Variants in MYPN observed in about 807,000 individuals in gnomAD.
MYPN encodes myopalladin.
A neutral mutation model predicts 129.4 loss-of-function variants in MYPN; 63 were observed. That is an observed-to-expected ratio of 0.49 (90% CI 0.40 to 0.60). The LOEUF (loss-of-function observed/expected upper bound fraction) is 0.60. MYPN is among the 20% of genes least tolerant of loss of function. The pLI is 0.00. For missense variants in MYPN, 1,596 were observed against 1,635.4 expected (o/e 0.98, Z 0.42); for synonymous variants, 629 against 600.9 (o/e 1.05, Z -0.68).
At chr10:68,143,422 G>C (rs1291167180) in intron 3 of MYPN, among the ~76,000 whole-genome samples, 1 of 152,050 alleles carries the variant, frequency 6.6e-6, no homozygotes, top group Non-Finnish European at 1.5e-5. Flanking sequence ...GTAGGGGGCG[G>C]AGGAGTGGGG....
chr10:68,183,969 C>G (rs1411988263), intron 12 of MYPN, among the ~76,000 whole-genome samples: 1 of 152,130 alleles, frequency 6.6e-6, no homozygotes, highest in Admixed American at 6.5e-5. Context: ...CTACAGTGAG[C>G]TGTGATCATG....
At chr10:68,209,041 A>G (rs1056042971) in intron 19 of MYPN, among the ~76,000 whole-genome samples, 1 of 152,156 alleles carries the variant, frequency 6.6e-6, no homozygotes, top group African/African-American at 2.4e-5. Flanking sequence ...AGGTATGTAG[A>G]CTGGAAAACT....
In MYPN at chr10:68,210,701, T is replaced by C. The variant is rs1184286944; in HGVS notation, c.*246T>C. ...AGATAATACAGATGAACCAAAGATG[T>C]CACACAGTTGCCATCCACTGCTTTG... is the stretch of plus-strand genomic sequence containing the variant. On this transcript the variant is annotated 3_prime_UTR_variant, in exon 20 of 20. Coordinates refer to ENST00000358913, the MANE Select transcript of MYPN (RefSeq NM_032578.4). 3.3e-6 allele frequency: 2 copies of C among 605,312 alleles called. No individual in the cohort carries two copies. The highest frequency in any genetic ancestry group is 3.0e-5 in the South Asian group (2 of 65,864). 37.5% of individuals were successfully genotyped at this position (605,312 alleles called of 1,614,324 possible). A position where few individuals can be genotyped will look rare whatever the true frequency, so the allele number is the denominator to read the frequency against.
In MYPN at chr10:68,197,567, T is replaced by G. The variant is rs543971252; in HGVS notation, c.3285+89T>G. 1.9e-6 allele frequency: 3 copies of G among 1,564,848 alleles called. No homozygotes were observed. The African/African-American group carries it at 4.2e-5, about 22-fold the overall frequency. ...TTTTATTTGTATTTGTTTTGTGGGT[T>G]TTTTTTTTCAGGAAAGATGAGATGG... On this transcript the variant is annotated intron_variant, in intron 16 of 19. Coordinates refer to ENST00000358913, the MANE Select transcript of MYPN (RefSeq NM_032578.4).
chr10:68,094,963 A>T (rs931981307), intron 1 of MYPN, among the ~76,000 whole-genome samples: 4 of 152,286 alleles, frequency 2.6e-5, no homozygotes, highest in Non-Finnish European at 5.9e-5. Flanking sequence ...AGGGAGATTG[A>T]GGCCTGAGAA....
chr10:68,149,818 G>A (rs1245768441), intron 5 of MYPN, among the ~76,000 whole-genome samples: 2 of 152,102 alleles, frequency 1.3e-5, no homozygotes, highest in Admixed American at 6.6e-5. Context: ...GTGAAGGGGT[G>A]GCGTGGGGAT....
intron 2 of MYPN, among the ~76,000 whole-genome samples, chr10:68,136,917 T>C (rs926582428): frequency 8.5e-5 from 13 of 152,230 alleles, no homozygotes; most frequent in African/African-American, 2.9e-4. Context: ...TTTCTGTTTA[T>C]TTACCTCTAG....
intron 10 of MYPN, among the ~76,000 whole-genome samples, chr10:68,171,856 G>A (rs1331371989): frequency 6.6e-6 from 1 of 152,192 alleles, no homozygotes; most frequent in African/African-American, 2.4e-5. Flanking sequence ...TAGTTGAGAT[G>A]TGCACTACCT....
intron 2 of MYPN, among the ~76,000 whole-genome samples, chr10:68,138,530 C>A (rs2042523685): frequency 6.6e-6 from 1 of 151,956 alleles, no homozygotes; most frequent in African/African-American, 2.4e-5. Context: ...AGCAATTAGA[C>A]CCACTGTGGC....
intron 2 of MYPN, among the ~76,000 whole-genome samples, chr10:68,137,443 T>C (rs1375261430): frequency 6.6e-6 from 1 of 152,250 alleles, no homozygotes; most frequent in East Asian, 1.9e-4. Context: ...GAAAGATTTG[T>C]TGCAATGTGA....
intron 2 of MYPN, among the ~76,000 whole-genome samples, chr10:68,138,015 T>C (rs1342991587): frequency 1.3e-5 from 2 of 152,174 alleles, no homozygotes; most frequent in Non-Finnish European, 2.9e-5. Flanking sequence ...TAAGAACACA[T>C]GGACTCAAGG....
At position 68,150,374 on chromosome 10, in the gene MYPN, C is replaced by A. The variant is rs142322515; in HGVS notation, c.1317+263C>A. Reference sequence around the variant, plus strand: ...ATACAACTGTTCAACATAGGAGCCACCCCTAGAGGTCAAGTGATAAATTTC... The same window carrying A: ...ATACAACTGTTCAACATAGGAGCCAACCCTAGAGGTCAAGTGATAAATTTC... On this transcript the variant is annotated intron_variant, in intron 6 of 19. Transcript: ENST00000358913. Among the ~76,000 whole-genome samples the A allele has an allele frequency of 1.9e-3, 283 of 152,234 alleles. 1 individual carries two copies. In the East Asian group the frequency reaches 0.025, roughly 14 times the overall value.
chr10:68,150,087 C>A lies in MYPN; in HGVS notation c.1293C>A (p.Ile431=), dbSNP rs147184158. 1,148 of 1,613,830 alleles carry A rather than the reference C, an allele frequency of 7.1e-4. 4 individuals are homozygous for A. The Middle Eastern group carries it at 0.014, about 19-fold the overall frequency. The change falls in exon 6 of 20, where the codon ATC becomes ATA. Residue 431 remains isoleucine, a synonymous_variant. Transcript: ENST00000358913. ...NYLQGLDGKP[I]IAAPVFTKML... ...TGCAGGGATTGGATGGAAAACCTATCATTGCAGCTCCTGTGTTTACAAAGG... is the reference window on the plus strand; with the variant it reads ...TGCAGGGATTGGATGGAAAACCTATAATTGCAGCTCCTGTGTTTACAAAGG...
intron 13 of MYPN, among the ~76,000 whole-genome samples, chr10:68,192,597 TC>T (rs1174145598): frequency 6.6e-6 from 1 of 152,198 alleles, no homozygotes; most frequent in African/African-American, 2.4e-5. Context: ...TATTAGTTCT[TC>T]TTTAAATGTT....
At chr10:68,175,574 C>T in intron 12 of MYPN, 113 bp downstream of exon 12, 2 of 1,190,010 alleles carry the variant, frequency 1.7e-6, no homozygotes, top group Non-Finnish European at 2.5e-6. Flanking sequence ...TGTTGCAGCT[C>T]AGATGGTAGA....
chr10:68,157,529 G>A (rs1427060595), intron 6 of MYPN, among the ~76,000 whole-genome samples: 2 of 151,664 alleles, frequency 1.3e-5, no homozygotes, highest in Non-Finnish European at 2.9e-5. Flanking sequence ...CACCACTTGG[G>A]CACTTAAGAA....
chr10:68,111,204 T>C (rs890816139), intron 1 of MYPN, among the ~76,000 whole-genome samples: 26 of 152,192 alleles, frequency 1.7e-4, no homozygotes, highest in African/African-American at 6.0e-4. Context: ...GCAAATTTGC[T>C]TTTGAACATA....
chr10:68,156,522 T>C (rs2042876667), intron 6 of MYPN, among the ~76,000 whole-genome samples: 1 of 152,166 alleles, frequency 6.6e-6, no homozygotes, highest in African/African-American at 2.4e-5. Context: ...GCAAACAAAT[T>C]TGGGACCTCA....
chr10:68,102,043 A>G (rs1281893350), upstream of MYPN, among the ~76,000 whole-genome samples: 1 of 151,056 alleles, frequency 6.6e-6, no homozygotes, highest in East Asian at 1.9e-4. Flanking sequence ...CTCTTGAATG[A>G]TGAATATTAC....
Sources: gnomAD v4.1 joint callset for allele counts (sites outside exome capture counted in the v4.1 genomes callset) on GRCh38, gnomAD v4.1.1 for gene constraint, MANE v1.5 for transcripts, NCBI Gene and HGNC (gene_info 2026-07-23, HGNC 2026-07-21) for gene names.